Variants in HOXB6 observed in about 807,000 individuals in gnomAD.
HOXB6 encodes homeobox B6.
In HOXB6, 18 loss-of-function variants were observed where a neutral mutation model predicts 24.2. The observed-to-expected ratio is 0.74, with a 90% CI of 0.51 to 1.10. The LOEUF is 1.10. HOXB6 is among the 50% of genes least tolerant of loss of function. The pLI is 0.00. For missense variants in HOXB6, 332 were observed against 308.3 expected (o/e 1.08, Z -0.58); for synonymous variants, 159 against 139.1 (o/e 1.14, Z -1.01).
chr17:48,599,911 T>C (rs2070417437), intron 2 of HOXB6, among the ~76,000 whole-genome samples: 2 of 152,106 alleles, frequency 1.3e-5, no homozygotes, highest in African/African-American at 2.4e-5. Context: ...CTAGGGAAGG[T>C]GGCAGGGGAC....
At position 48,596,736 on chromosome 17, in the gene HOXB6, C is replaced by A. The variant is rs2070309685; in HGVS notation, c.416-64G>T. The A allele has an allele frequency of 1.3e-6, 2 of 1,598,452 alleles. No homozygotes were observed. Among genetic ancestry groups the A allele is most frequent in the South Asian group, 2.2e-5 (2 of 90,612 alleles). On this transcript the variant is annotated intron_variant, in intron 3 of 3. Coordinates refer to ENST00000225648, the MANE Select transcript of HOXB6 (RefSeq NM_018952.5). This position sits in a 1 kb window ranked among gnomAD's most constrained non-coding sequence, Gnocchi z 4.8. ...CGGGCCCAGGACCCCCTCCCCTAGT[C>A]GACCCTCGAACACAGACTCCAGCCA...
intron 2 of HOXB6, among the ~76,000 whole-genome samples, chr17:48,600,988 T>TTG (rs1461747501): frequency 2.3e-5 from 2 of 87,524 alleles, no homozygotes; most frequent in African/African-American, 4.4e-5. Flanking sequence ...GGAGGGATAT[T>TTG]TGCGTGTGTG....
rs1567971651 is a variant in HOXB6, at chr17:48,595,887, T to TA, written c.*525dup. The TA allele has an allele frequency of 9.6e-6, 3 of 313,840 alleles. No homozygotes were observed. The highest frequency in any genetic ancestry group is 5.3e-5 in the South Asian group (2 of 37,388). The allele number at this position is 313,840 out of a possible 1,614,324, so 19.4% of individuals were successfully genotyped here. ...ACTACAAACACAACACATAGAAAAT[T>TA]AATAAAATAGAACTTTGTTTTCTTC... On this transcript the variant is annotated 3_prime_UTR_variant, in exon 4 of 4. Transcript: ENST00000225648.
chr17:48,603,212 C>T (rs2070510399), intron 2 of HOXB6, among the ~76,000 whole-genome samples: 1 of 152,242 alleles, frequency 6.6e-6, no homozygotes, highest in Non-Finnish European at 1.5e-5. Context: ...CTGCCCTCCA[C>T]AGCCAACATC....
At chr17:48,600,092 G>C (rs962589634) in intron 2 of HOXB6, among the ~76,000 whole-genome samples, 3 of 152,120 alleles carry the variant, frequency 2.0e-5, no homozygotes, top group African/African-American at 7.2e-5. Flanking sequence ...AAGCATTTAA[G>C]AAAACAAATT....
chr17:48,596,262 G>T lies in HOXB6; in HGVS notation c.*151C>A, dbSNP rs2070285837. The T allele has an allele frequency of 6.6e-6, 8 of 1,208,874 alleles. No individual in the cohort carries two copies. Among genetic ancestry groups the T allele is most frequent in the Non-Finnish European group, 8.5e-6 (7 of 824,016 alleles). 74.9% of individuals were successfully genotyped at this position (1,208,874 alleles called of 1,614,324 possible). Reference sequence around the variant, plus strand: ...CCCGCCGGGAGCTGTGCGGGCGGGGGCGTCCAGGAGAGCGCTGGGCCCCGC... The same window carrying T: ...CCCGCCGGGAGCTGTGCGGGCGGGGTCGTCCAGGAGAGCGCTGGGCCCCGC... On this transcript the variant is annotated 3_prime_UTR_variant, in exon 4 of 4. Transcript: ENST00000225648. The surrounding 1 kb of genome is among the most constrained non-coding windows in gnomAD (Gnocchi z 4.8).
In HOXB6 at chr17:48,597,851, G is replaced by C; in HGVS notation, c.300C>G (p.His100Gln). 1 of 1,599,166 alleles carries C rather than the reference G, an allele frequency of 6.3e-7. No homozygotes were observed. Among genetic ancestry groups the C allele is most frequent in the Non-Finnish European group, 8.5e-7 (1 of 1,171,998 alleles). The stretch of plus-strand genomic sequence containing the variant: ...CGCAGTCCGACTTCCGCGGCTCGGG[G>C]TGGAACGGGGGCTGCTCGTCGGCGC... The part of the protein sequence containing the change: ...LSGADEQPPF[H>Q]PEPRKSDCAQ... The change falls in exon 3 of 4, where the codon CAC (histidine) becomes CAG (glutamine). Residue 100 changes from histidine to glutamine, a missense_variant. His to Gln is a conservative substitution (Grantham distance 24). Transcript: ENST00000225648.
In HOXB6 at chr17:48,595,822, C is replaced by T. The variant is rs2070267533; in HGVS notation, c.*591G>A. 4.4e-6 allele frequency: 1 copy of T among 228,218 alleles called. No homozygotes were observed. The highest frequency in any genetic ancestry group is 2.3e-5 in the African/African-American group (1 of 42,830). 14.1% of individuals were successfully genotyped at this position (228,218 alleles called of 1,614,324 possible). A position where few individuals can be genotyped will look rare whatever the true frequency, so the allele number is the denominator to read the frequency against. Reference sequence around the variant, plus strand: ...TTATTATTATCATCATCATCATCATCATCATCATCGAAGTATTTCACGTCC... The same window carrying T: ...TTATTATTATCATCATCATCATCATTATCATCATCGAAGTATTTCACGTCC... On this transcript the variant is annotated 3_prime_UTR_variant, in exon 4 of 4. Transcript: ENST00000225648.
In HOXB6 at chr17:48,596,961, G is replaced by GTCTTTCCC. The variant is rs2070315722; in HGVS notation, c.416-297_416-290dup. ...GTGTGTCTCTTCCTAGTTGCATCTT[G>GTCTTTCCC]TCTTTCCCTCCCTTTCCATCCATCT... On this transcript the variant is annotated intron_variant, in intron 3 of 3. Transcript: ENST00000225648. This position sits in a 1 kb window ranked among gnomAD's most constrained non-coding sequence, Gnocchi z 4.8. The GTCTTTCCC allele has an allele frequency of 1.3e-5, 17 of 1,322,754 alleles. No homozygotes were observed. Among genetic ancestry groups the GTCTTTCCC allele is most frequent in the Non-Finnish European group, 1.4e-5 (14 of 1,027,194 alleles). The allele number at this position is 1,322,754 out of a possible 1,614,324, so 81.9% of individuals were successfully genotyped here.
intron 3 of HOXB6, among the ~76,000 whole-genome samples, chr17:48,597,411 G>A (rs75066633): frequency 0.019 from 2,871 of 152,232 alleles, 96 homozygotes; most frequent in African/African-American, 0.066. Context: ...GGGGGTTGGG[G>A]GCTCAAAGTA....
intron 2 of HOXB6, among the ~76,000 whole-genome samples, chr17:48,600,022 A>C (rs1050019018): frequency 6.6e-6 from 1 of 152,216 alleles, no homozygotes; most frequent in Admixed American, 6.5e-5. Context: ...TAATGGCAAA[A>C]TAGCCATCCC....
intron 2 of HOXB6, chr17:48,601,620 C>G (rs559094825): frequency 1.3e-5 from 2 of 154,958 alleles, no homozygotes; most frequent in Non-Finnish European, 2.9e-5. Flanking sequence ...GTCACCTCGC[C>G]GCAGGAAAGC....
At position 48,598,011 on chromosome 17, in the gene HOXB6, G is replaced by A. The variant is rs752734103; in HGVS notation, c.140C>T (p.Pro47Leu). ...RHYPAPYGPG[P>L]GQDKGFATSS... is the part of the protein sequence containing the mutation. ...AGTGGCAAAGCCCTTGTCCTGGCCC[G>A]GCCCTGGCCCGTAGGGCGCGGGGTA... The change falls in exon 3 of 4, where the codon CCG (proline) becomes CTG (leucine). Residue 47 changes from proline to leucine, a missense_variant. Physicochemically the swap from Pro to Leu is moderately conservative, Grantham distance 98. Transcript: ENST00000225648. 5 of 1,596,372 alleles carry A rather than the reference G, an allele frequency of 3.1e-6. No individual in the cohort carries two copies. The highest frequency in any genetic ancestry group is 2.3e-5 in the East Asian group (1 of 44,028).
In HOXB6 at chr17:48,597,996, C is replaced by T. The variant is rs2070359362; in HGVS notation, c.155G>A (p.Gly52Asp). 15 of 1,593,222 alleles carry T rather than the reference C, an allele frequency of 9.4e-6. No individual in the cohort carries two copies. The highest frequency in any genetic ancestry group is 1.3e-5 in the Non-Finnish European group (15 of 1,170,196). Residue 52 changes from glycine (G) to aspartate (D), a missense_variant, in exon 3 of 4, where the codon GGC (glycine) becomes GAC (aspartate). By Grantham distance (94) the Gly-to-Asp change is moderately conservative. Transcript: ENST00000225648. ...PYGPGPGQDK[G>D]FATSSYYPPA... is the part of the protein sequence containing the mutation. The stretch of plus-strand genomic sequence containing the variant: ...CGGGTAATAGGAGGAAGTGGCAAAG[C>T]CCTTGTCCTGGCCCGGCCCTGGCCC...
At position 48,596,217 on chromosome 17, in the gene HOXB6, A is replaced by G; in HGVS notation, c.*196T>C. The G allele has an allele frequency of 1.3e-6, 1 of 795,002 alleles. No individual in the cohort carries two copies. The allele number at this position is 795,002 out of a possible 1,614,324, so 49.2% of individuals were successfully genotyped here. A position where few individuals can be genotyped will look rare whatever the true frequency, so the allele number is the denominator to read the frequency against. On this transcript the variant is annotated 3_prime_UTR_variant, in exon 4 of 4. Coordinates refer to ENST00000225648, the MANE Select transcript of HOXB6 (RefSeq NM_018952.5). This position sits in a 1 kb window ranked among gnomAD's most constrained non-coding sequence, Gnocchi z 4.8. Reference sequence around the variant, plus strand: ...GCGCGCGGGATGCTGGGTGGGCTCGAGTAGTGAGGCCTCAGAGCACCCGCC... The same window carrying G: ...GCGCGCGGGATGCTGGGTGGGCTCGGGTAGTGAGGCCTCAGAGCACCCGCC...
At chr17:48,598,481 C>T (rs899445966) in intron 2 of HOXB6, among the ~76,000 whole-genome samples, 1 of 152,022 alleles carries the variant, frequency 6.6e-6, no homozygotes, top group African/African-American at 2.4e-5. Context: ...CCTGTTCCAC[C>T]TACGTAGGAT....
chr17:48,596,442 C>G lies in HOXB6; in HGVS notation c.646G>C (p.Glu216Gln). 1 of 1,614,258 alleles carries G rather than the reference C, an allele frequency of 6.2e-7. No homozygotes were observed. The highest frequency in any genetic ancestry group is 8.5e-7 in the Non-Finnish European group (1 of 1,180,048). The change falls in exon 4 of 4, where the codon GAG (glutamate) becomes CAG (glutamine). Residue 216 changes from glutamate (E) to glutamine (Q), a missense_variant. Glu to Gln is a conservative substitution (Grantham distance 29). Coordinates refer to ENST00000225648, the MANE Select transcript of HOXB6 (RefSeq NM_018952.5). The surrounding 1 kb of genome is among the most constrained non-coding windows in gnomAD (Gnocchi z 4.8). ...TCGGCCTGTTTTTCTTCCTCCTCCT[C>G]GGCACTGAGCTGAGACGCGCTGAGC... ...KLLSASQLSA[E>Q]EEEEKQAE
chr17:48,597,616 TA>T, intron 3 of HOXB6, 119 bp downstream of exon 3: 1 of 1,095,876 alleles, frequency 9.1e-7, no homozygotes, highest in Non-Finnish European at 1.4e-6. Context: ...TTCTATCTCC[TA>T]ACTGAGATGC....
chr17:48,602,830 C>T (rs868210271), intron 2 of HOXB6, among the ~76,000 whole-genome samples: 5 of 152,234 alleles, frequency 3.3e-5, no homozygotes, highest in African/African-American at 1.2e-4. Context: ...TCCAAGACTA[C>T]AGGAGAAAAA....
Sources: allele counts gnomAD v4.1 joint callset (sites outside exome capture counted in the v4.1 genomes callset), GRCh38; gene constraint gnomAD v4.1.1; non-coding constraint Gnocchi (gnomAD v3.1); transcripts MANE v1.5; gene names NCBI Gene and HGNC (gene_info 2026-07-23, HGNC 2026-07-21).